Variants in KCNK2 observed in about 807,000 individuals in gnomAD.
The protein encoded by KCNK2 is potassium channel subfamily K member 2.
A neutral mutation model predicts 40.5 loss-of-function variants in KCNK2; 21 were observed. That is an observed-to-expected ratio of 0.52 (90% CI 0.37 to 0.75). The LOEUF (loss-of-function observed/expected upper bound fraction) is 0.75. Ranked by LOEUF, KCNK2 falls within the 30% of genes least tolerant of loss-of-function variation. KCNK2 has a pLI of 0.00. For missense variants in KCNK2, 399 were observed against 531.6 expected, an observed-to-expected ratio of 0.75 and a Z score of 2.45; for synonymous variants, 191 against 202.2, an observed-to-expected ratio of 0.94 and a Z score of 0.47.
intron 1 of KCNK2, among the ~76,000 whole-genome samples, chr1:215,020,228 A>G (rs528387329): frequency 5.3e-5 from 8 of 152,186 alleles, no homozygotes; most frequent in Non-Finnish European, 1.5e-5. Flanking sequence ...CTTTGGACCA[A>G]ATCTATTGAA....
In KCNK2 at chr1:215,231,204, T is replaced by G. The variant is rs1016236806; in HGVS notation, c.964-3624T>G. ...GCAATAAAGAGATGATAAAAACATTTAAAATACTTTCTATGCAGGTGCCAA... is the reference window on the plus strand; with the variant it reads ...GCAATAAAGAGATGATAAAAACATTGAAAATACTTTCTATGCAGGTGCCAA... On this transcript the variant is annotated intron_variant, in intron 6 of 6. Transcript: ENST00000444842. 3.3e-5 allele frequency among the ~76,000 whole-genome samples: 5 copies of G among 152,196 alleles called. No homozygotes were observed. The South Asian group carries it at 1.0e-3, about 32-fold the overall frequency.
chr1:215,050,026 C>A (rs1389867700), intron 1 of KCNK2, among the ~76,000 whole-genome samples: 1 of 152,084 alleles, frequency 6.6e-6, no homozygotes, highest in Non-Finnish European at 1.5e-5. Flanking sequence ...ATAAGCTTAT[C>A]TATGTCTATA....
intron 6 of KCNK2, among the ~76,000 whole-genome samples, chr1:215,211,941 T>A (rs1398216701): frequency 6.6e-6 from 1 of 152,162 alleles, no homozygotes; most frequent in Non-Finnish European, 1.5e-5. Context: ...ATTCTATTAT[T>A]GCTTACAGAT....
intron 1 of KCNK2, among the ~76,000 whole-genome samples, chr1:215,054,305 T>G (rs1479745220): frequency 1.3e-5 from 2 of 152,184 alleles, no homozygotes; most frequent in African/African-American, 4.8e-5. Context: ...AAAGAGTTAC[T>G]TACACACAGC....
chr1:215,011,541 C>T (rs1656388705), intron 1 of KCNK2, among the ~76,000 whole-genome samples: 1 of 152,174 alleles, frequency 6.6e-6, no homozygotes, highest in African/African-American at 2.4e-5. Flanking sequence ...ATCTACCTGC[C>T]TCAGCCTCCC....
At chr1:215,064,584 A>G (rs1274381527) in intron 1 of KCNK2, among the ~76,000 whole-genome samples, 2 of 152,078 alleles carry the variant, frequency 1.3e-5, no homozygotes, top group African/African-American at 2.4e-5. Context: ...GGAGCTCACT[A>G]CTCAGACATA....
At position 215,139,439 on chromosome 1, in the gene KCNK2, T is replaced by C. The variant is rs535976591; in HGVS notation, c.475+14689T>C. Among the ~76,000 whole-genome samples the C allele has an allele frequency of 2.0e-5, 3 of 152,334 alleles. No individual in the cohort carries two copies. In the East Asian group the frequency reaches 5.8e-4, roughly 29 times the overall value. On this transcript the variant is annotated intron_variant, in intron 3 of 6. Coordinates refer to ENST00000444842, the MANE Select transcript of KCNK2 (RefSeq NM_001017425.3). Reference sequence around the variant, plus strand: ...CTTTTAGGCATAGGTCATAATTTCATGAATCCCATGTTGATGACCATTTTT... The same window carrying C: ...CTTTTAGGCATAGGTCATAATTTCACGAATCCCATGTTGATGACCATTTTT...
chr1:215,123,760 C>T (rs1474264987), intron 2 of KCNK2, among the ~76,000 whole-genome samples: 1 of 152,102 alleles, frequency 6.6e-6, no homozygotes, highest in African/African-American at 2.4e-5. Context: ...GTAAAGATCT[C>T]CAAAGCTATA....
chr1:215,014,841 A>G (rs1334361436), intron 1 of KCNK2, among the ~76,000 whole-genome samples: 2 of 152,156 alleles, frequency 1.3e-5, no homozygotes, highest in Non-Finnish European at 2.9e-5. Flanking sequence ...TGAATTTTCC[A>G]CTGTTGGTGG....
Position 215,150,078 on chromosome 1 carries a change from T to C in KCNK2, c.476-19121T>C, listed in dbSNP as rs371730111. On this transcript the variant is annotated intron_variant, in intron 3 of 6. Transcript: ENST00000444842. ...CGTTATGATCTAGTAAGATCAGTCT[T>C]AGTAAAGGGAACCCTGCATGCAGGA... is the stretch of plus-strand genomic sequence containing the variant. Among the ~76,000 whole-genome samples the C allele has an allele frequency of 3.9e-5, 6 of 152,286 alleles. 1 individual carries two copies. Among genetic ancestry groups the C allele is most frequent in the East Asian group, 3.9e-4 (2 of 5,176 alleles).
At chr1:215,177,435 G>T (rs543623619) in intron 5 of KCNK2, among the ~76,000 whole-genome samples, 2 of 151,964 alleles carry the variant, frequency 1.3e-5, no homozygotes, top group South Asian at 4.1e-4. Flanking sequence ...TCCCAAGGCT[G>T]ATGTCCAGAA....
intron 1 of KCNK2, among the ~76,000 whole-genome samples, chr1:215,029,097 G>GT (rs1657096034): frequency 6.6e-6 from 1 of 151,524 alleles, no homozygotes; most frequent in African/African-American, 2.4e-5. Context: ...CCCCACCAGA[G>GT]TTTTTTTAAA....
intron 2 of KCNK2, among the ~76,000 whole-genome samples, chr1:215,095,151 T>C (rs540479803): frequency 4.6e-5 from 7 of 152,246 alleles, no homozygotes; most frequent in African/African-American, 1.4e-4. Flanking sequence ...TAAAGTAAAT[T>C]ATATTACTTA....
intron 1 of KCNK2, among the ~76,000 whole-genome samples, chr1:215,075,444 C>T (rs1658895112): frequency 6.6e-6 from 1 of 152,158 alleles, no homozygotes; most frequent in Non-Finnish European, 1.5e-5. Context: ...TAGATATGGA[C>T]ACAGTTTCAC....
chr1:215,082,314 A>G (rs1164681380), upstream of KCNK2, among the ~76,000 whole-genome samples: 1 of 152,006 alleles, frequency 6.6e-6, no homozygotes, highest in Non-Finnish European at 1.5e-5. Context: ...CAGGGCTCTC[A>G]AGGCGCCAAC....
rs908053964 is a variant in KCNK2 at position 215,069,118 on chromosome 1, G to T, written c.35-17250G>T. ...TCAGGGAAATCTGAGTATGTCCATT[G>T]TAAAGAAGGTGGCATCCTCACATCT... On this transcript the variant is annotated intron_variant, in intron 1 of 6. Transcript: ENST00000391895. Among the ~76,000 whole-genome samples, 99 of 152,188 alleles carry T rather than the reference G, an allele frequency of 6.5e-4. 6 individuals are homozygous for T.
At chr1:215,124,560 G>A (rs1195272859) in intron 2 of KCNK2, 73 bp from the exon 3 acceptor site, 2 of 852,932 alleles carry the variant, frequency 2.3e-6, no homozygotes, top group Non-Finnish European at 4.0e-6. Context: ...AGTCATTTCT[G>A]GGGTGGAATA....
chr1:215,024,426 T>A (rs933396981), intron 1 of KCNK2, among the ~76,000 whole-genome samples: 3 of 152,214 alleles, frequency 2.0e-5, no homozygotes, highest in Admixed American at 6.5e-5. Flanking sequence ...AATATGTTTC[T>A]AATCCTAGCA....
upstream of KCNK2, chr1:215,005,769 C>T (rs1393263671): frequency 1.5e-6 from 1 of 660,014 alleles, no homozygotes; most frequent in Non-Finnish European, 2.7e-6. Context: ...AACTGATCTA[C>T]AGGGTAACAT....
Sources: gnomAD v4.1 joint callset for allele counts (sites outside exome capture counted in the v4.1 genomes callset) on GRCh38, gnomAD v4.1.1 for gene constraint, MANE v1.5 for transcripts, NCBI Gene and HGNC (gene_info 2026-07-23, HGNC 2026-07-21) for gene names.